The following FGD2 variants were observed in gnomAD, a reference collection of about 807,000 sequenced individuals.
FGD2 encodes FYVE, RhoGEF and PH domain containing 2, also known as FYVE, RhoGEF and PH domain-containing protein 2.
In FGD2, 52 loss-of-function variants were observed where a neutral mutation model predicts 75.9. The ratio of observed to expected loss-of-function variants is 0.69; its 90% confidence interval spans 0.55 to 0.86. The LOEUF is 0.86. Among genes scored for constraint, FGD2 ranks in the 40% least tolerant of loss-of-function variants. The pLI, the probability that FGD2 is intolerant of heterozygous loss-of-function variation, is 0.00. For missense variants in FGD2, 790 were observed against 872.0 expected (o/e 0.91, Z 1.18); for synonymous variants, 347 against 348.6 (o/e 1.00, Z 0.05).
chr6:37,021,034 A>ATGTGTG (rs1193744083), intron 11 of FGD2, among the ~76,000 whole-genome samples: 5 of 145,778 alleles, frequency 3.4e-5, no homozygotes, highest in African/African-American at 1.3e-4. Context: ...GTGTATGTGT[A>ATGTGTG]TATGTGTGTT....
chr6:37,007,145 G>C (rs1764791824), intron 1 of FGD2, among the ~76,000 whole-genome samples: 1 of 152,142 alleles, frequency 6.6e-6, no homozygotes, highest in Admixed American at 6.5e-5. Flanking sequence ...GATGAAGAAG[G>C]GTTTCAGTAT....
At chr6:37,021,745 C>G in intron 12 of FGD2, 141 bp downstream of exon 12, 1 of 738,142 alleles carries the variant, frequency 1.4e-6, no homozygotes, top group Non-Finnish European at 2.2e-6. Flanking sequence ...GGAAGCCTTC[C>G]CAGCGCATCC....
chr6:37,006,436 T>C (rs831513), intron 1 of FGD2, among the ~76,000 whole-genome samples: 84,188 of 151,910 alleles, frequency 0.55, 25,131 homozygotes, highest in African/African-American at 0.79. Flanking sequence ...AACAGCCTAA[T>C]AGGGGTAGAT....
intron 13 of FGD2, chr6:37,023,626 G>A (rs1279704930): frequency 1.3e-5 from 2 of 152,220 alleles, no homozygotes. Flanking sequence ...GACAGGTTGG[G>A]GCCAGTCAGG....
chr6:37,015,020 G>A lies in FGD2; in HGVS notation c.1011G>A (p.Met337Ile), dbSNP rs1169826625. The A allele has an allele frequency of 3.6e-5, 58 of 1,613,912 alleles. No homozygotes were observed. Among genetic ancestry groups the A allele is most frequent in the Non-Finnish European group, 4.7e-5 (56 of 1,179,898 alleles). Residue 337 changes from methionine (M) to isoleucine (I), a missense_variant, in exon 8 of 16, where the codon ATG becomes ATA. By Grantham distance (10) the Met-to-Ile change is conservative (BLOSUM62 1). Transcript: ENST00000274963. Reference sequence around the variant, plus strand: ...TCTCCTTCCGCCGCAACGACCCCATGGAGCGCTACCTTTTCTTGGTAAGAG... The same window carrying A: ...TCTCCTTCCGCCGCAACGACCCCATAGAGCGCTACCTTTTCTTGGTAAGAG... ...LKISFRRNDP[M>I]ERYLFLFNNM...
At chr6:37,012,773 C>A (rs1200496785) in intron 4 of FGD2, among the ~76,000 whole-genome samples, 2 of 150,652 alleles carry the variant, frequency 1.3e-5, no homozygotes, top group East Asian at 3.9e-4. Flanking sequence ...GATCGCCTGC[C>A]ATCATTCCAA....
intron 8 of FGD2, among the ~76,000 whole-genome samples, chr6:37,015,256 G>A (rs768312024): frequency 3.3e-5 from 5 of 152,196 alleles, no homozygotes; most frequent in Non-Finnish European, 5.9e-5. Context: ...TCCCAGACAT[G>A]TCCTAGGAAG....
intron 9 of FGD2, among the ~76,000 whole-genome samples, chr6:37,018,129 G>C (rs1765391650): frequency 6.6e-6 from 1 of 152,200 alleles, no homozygotes; most frequent in South Asian, 2.1e-4. Flanking sequence ...AGGACTGTCA[G>C]AGACCCAGGC....
chr6:37,021,370 C>T (rs1399297697), intron 11 of FGD2, 142 bp from the exon 12 acceptor site: 4 of 667,272 alleles, frequency 6.0e-6, no homozygotes, highest in African/African-American at 3.7e-5. Flanking sequence ...TCCGATAAGG[C>T]AGCCCGCGTG....
rs1277388575 is a variant in FGD2, at chr6:37,012,441, G to T, written c.527+587G>T. 1.3e-5 allele frequency among the ~76,000 whole-genome samples: 2 copies of T among 152,052 alleles called. 1 individual carries two copies. On this transcript the variant is annotated intron_variant, in intron 4 of 15. Transcript: ENST00000274963. ...TTTAAGATAATAATAGCCAGGTTCG[G>T]TGGCTCATGCCTGTAATCCCAGCAC...
intron 14 of FGD2, chr6:37,026,419 G>T: frequency 1.0e-6 from 1 of 984,734 alleles, no homozygotes; most frequent in Non-Finnish European, 1.2e-6. Context: ...GGAGTGACTT[G>T]CCCAAGATCA....
Position 37,011,018 on chromosome 6 carries a change from G to C in FGD2, c.346G>C (p.Ala116Pro). 21 of 1,614,132 alleles carry C rather than the reference G, an allele frequency of 1.3e-5. No individual in the cohort carries two copies. The highest frequency in any genetic ancestry group is 1.8e-5 in the Non-Finnish European group (21 of 1,180,006). ...IVQELLETEQ[A>P]YVARLHLLDQ... is the part of the protein sequence containing the mutation. ...CCAGGAGCTGCTGGAGACAGAGCAG[G>C]CCTATGTGGCGCGCCTCCACCTGCT... Residue 116 changes from alanine to proline, a missense_variant, in exon 3 of 16, where the codon GCC becomes CCC. Coordinates refer to ENST00000274963, the MANE Select transcript of FGD2 (RefSeq NM_173558.4).
At chr6:37,026,326 G>T in intron 14 of FGD2, 2 of 985,418 alleles carry the variant, frequency 2.0e-6, no homozygotes, top group Non-Finnish European at 2.4e-6. Flanking sequence ...GACGCTCCAG[G>T]TCAGACAGAT....
intron 13 of FGD2, 196 bp from the exon 14 acceptor site, chr6:37,025,596 T>C (rs543738484): frequency 1.7e-6 from 1 of 603,124 alleles, no homozygotes; most frequent in Non-Finnish European, 2.9e-6. Flanking sequence ...AGCTCCCCCA[T>C]GTGTCGCAGC....
intron 13 of FGD2, chr6:37,023,759 GGGATTGGCTACTGTTCCT>G (rs905154878): frequency 1.3e-5 from 2 of 152,350 alleles, no homozygotes; most frequent in African/African-American, 4.8e-5. Flanking sequence ...AAAGGATGTG[GGGATTGGCTACTGTTCCT>G]GGTGATTCAC....
intron 3 of FGD2, 59 bp downstream of exon 3, chr6:37,011,109 C>T: frequency 6.7e-7 from 1 of 1,487,650 alleles, no homozygotes; most frequent in South Asian, 1.1e-5. Context: ...CACCTCACCC[C>T]TTCTCAGCCT....
chr6:37,028,138 C>A lies in FGD2; in HGVS notation c.1943C>A (p.Pro648His). Residue 648 changes from proline to histidine, a missense_variant, in exon 16 of 16, where the codon CCC becomes CAC. Pro to His is a moderately conservative substitution (Grantham distance 77, BLOSUM62 -2). Coordinates refer to ENST00000274963, the MANE Select transcript of FGD2 (RefSeq NM_173558.4). ...GCCAGTGGCTGGAGCCCCAGCTGGC[C>A]CAACGATGGGGACCTGTCCGACTGA... ...RAASGWSPSW[P>H]NDGDLSD The A allele has an allele frequency of 6.2e-7, 1 of 1,602,914 alleles. No homozygotes were observed. Among genetic ancestry groups the A allele is most frequent in the Non-Finnish European group, 8.5e-7 (1 of 1,175,116 alleles).
Position 37,022,229 on chromosome 6 carries a change from TA to T in FGD2, c.1327-8del. ...GGGCCCATTCCTGCCCAACTCCCCTTAACCCACAGCTGCAGTCTGAGGAGCT... is the reference window on the plus strand; with the variant it reads ...GGGCCCATTCCTGCCCAACTCCCCTTACCCACAGCTGCAGTCTGAGGAGCT... On this transcript the variant is annotated splice_polypyrimidine_tract_variant and intron_variant, in intron 12 of 15. Transcript: ENST00000274963. The T allele has an allele frequency of 6.3e-7, 1 of 1,599,528 alleles. No homozygotes were observed. Among genetic ancestry groups the T allele is most frequent in the Non-Finnish European group, 8.5e-7 (1 of 1,172,360 alleles).
intron 13 of FGD2, chr6:37,025,432 T>C: frequency 3.7e-6 from 1 of 269,502 alleles, no homozygotes; most frequent in South Asian, 5.1e-5. Flanking sequence ...AGGACAGCAT[T>C]TGGAAAAGTG....
Sources: allele counts gnomAD v4.1 joint callset (sites outside exome capture counted in the v4.1 genomes callset), GRCh38; gene constraint gnomAD v4.1.1; transcripts MANE v1.5; gene names NCBI Gene and HGNC (gene_info 2026-07-23, HGNC 2026-07-21).